RPS10: variants seen among roughly 807,000 people sequenced by gnomAD.
RPS10 encodes ribosomal protein S10.
Under a neutral mutation model 22.6 loss-of-function variants are expected in RPS10, and 2 were observed. The ratio of observed to expected loss-of-function variants is 0.09; its 90% CI spans 0.04 to 0.28. The LOEUF (loss-of-function observed/expected upper bound fraction) is 0.28. Ranked by LOEUF, RPS10 falls within the 10% of genes least tolerant of loss-of-function variation. The pLI is 1.00. For synonymous variants in RPS10, 70 were observed against 75.9 expected, an observed-to-expected ratio of 0.92 and a Z score of 0.40; for missense variants, 137 against 222.2, an observed-to-expected ratio of 0.62 and a Z score of 2.44.
At chr6:34,424,083 G>A (rs1298261891) in intron 3 of RPS10, among the ~76,000 whole-genome samples, 1 of 134,300 alleles carries the variant, frequency 7.4e-6, no homozygotes, top group African/African-American at 2.8e-5. Context: ...TAAAATACAG[G>A]CCAAGCACGG....
intron 4 of RPS10, among the ~76,000 whole-genome samples, chr6:34,419,104 C>T (rs1387061516): frequency 6.6e-6 from 1 of 152,098 alleles, no homozygotes; most frequent in African/African-American, 2.4e-5. Flanking sequence ...CTGCAACCTC[C>T]GCCTCCCAGG....
chr6:34,425,891 C>T (rs1264335633), intron 1 of RPS10, 141 bp downstream of exon 1: 1 of 154,042 alleles, frequency 6.5e-6, no homozygotes, highest in Non-Finnish European at 1.4e-5. Flanking sequence ...AATAAGCCTC[C>T]AGCCCCTATC....
Position 34,425,090 on chromosome 6 carries a change from A to G in RPS10, c.132T>C (p.His44=). ...ELADKNVPNL[H]VMKAMQSLKS... ...CTCCTACCTGCATGGCCTTCATGACATGAAGGTTGGGCACATTCTTGTCTG... is the reference window on the plus strand; with the variant it reads ...CTCCTACCTGCATGGCCTTCATGACGTGAAGGTTGGGCACATTCTTGTCTG... Residue 44 remains histidine, a synonymous_variant, in exon 2 of 6, where the codon CAT becomes CAC. Coordinates refer to ENST00000648437, the MANE Select transcript of RPS10 (RefSeq NM_001014.5). 6.2e-7 allele frequency: 1 copy of G among 1,612,590 alleles called. No homozygotes were observed. The highest frequency in any genetic ancestry group is 8.5e-7 in the Non-Finnish European group (1 of 1,179,946).
chr6:34,419,004 A>C (rs1424792632), intron 4 of RPS10, among the ~76,000 whole-genome samples: 1 of 152,042 alleles, frequency 6.6e-6, no homozygotes. Context: ...GTGGGACTAC[A>C]GGCAGCTAAT....
At chr6:34,424,105 C>T (rs72891159) in intron 3 of RPS10, among the ~76,000 whole-genome samples, 1,423 of 136,014 alleles carry the variant, frequency 0.01, 10 homozygotes, top group Non-Finnish European at 0.016. Flanking sequence ...GGCTTACCAC[C>T]GCACTCCAGG....
At chr6:34,420,082 T>G (rs1765710844) in intron 4 of RPS10, among the ~76,000 whole-genome samples, 1 of 152,166 alleles carries the variant, frequency 6.6e-6, no homozygotes, top group African/African-American at 2.4e-5. Flanking sequence ...TAAAAGACAT[T>G]AGTACTCAAA....
chr6:34,424,513 T>C lies in RPS10; in HGVS notation c.322+156A>G, dbSNP rs1236621400. On this transcript the variant is annotated intron_variant, in intron 3 of 5. Transcript: ENST00000648437. ...GCCTGAAGAACTGAGTCTAGTTCTA[T>C]TCCAAGTCCCAAGCCATGGGACAAA... is the stretch of plus-strand genomic sequence containing the variant. 5.1e-6 allele frequency: 5 copies of C among 976,056 alleles called. No individual in the cohort carries two copies. In the East Asian group the frequency reaches 1.3e-4, roughly 26 times the overall value. 60.5% of individuals were successfully genotyped at this position (976,056 alleles called of 1,614,324 possible). A position where few individuals can be genotyped will look rare whatever the true frequency, so the allele number is the denominator to read the frequency against.
chr6:34,418,072 T>G, intron 5 of RPS10: 1 of 989,428 alleles, frequency 1.0e-6, no homozygotes, highest in East Asian at 2.6e-5. Flanking sequence ...TCATACCATC[T>G]TGGTTCTTAA....
intron 3 of RPS10, among the ~76,000 whole-genome samples, chr6:34,422,301 G>C (rs1299520982): frequency 2.6e-5 from 4 of 152,110 alleles, no homozygotes; most frequent in African/African-American, 9.7e-5. Context: ...TATATATTAA[G>C]GCAGAAACTT....
chr6:34,424,967 C>T, intron 2 of RPS10, 105 bp downstream of exon 2: 2 of 1,609,752 alleles, frequency 1.2e-6, no homozygotes, highest in South Asian at 2.2e-5. Context: ...CCTTTTTGAA[C>T]TTGCCTTGAA....
chr6:34,423,841 T>C (rs1205622205), intron 3 of RPS10, among the ~76,000 whole-genome samples: 4 of 152,144 alleles, frequency 2.6e-5, no homozygotes, highest in Non-Finnish European at 5.9e-5. Flanking sequence ...ATCGCACCAC[T>C]GCACTCCAGC....
intron 5 of RPS10, chr6:34,418,000 AC>A: frequency 1.4e-6 from 1 of 696,776 alleles, no homozygotes; most frequent in Non-Finnish European, 2.6e-6. Context: ...AGATGGAGAA[AC>A]TGAGGCAGAG....
intron 4 of RPS10, among the ~76,000 whole-genome samples, chr6:34,421,151 C>G (rs1435199531): frequency 7.0e-6 from 1 of 142,136 alleles, no homozygotes; most frequent in African/African-American, 2.6e-5. Flanking sequence ...GGAGTGACAA[C>G]TTTAACAATT....
intron 4 of RPS10, 22 bp downstream of exon 4, chr6:34,421,708 T>TA: frequency 6.2e-7 from 1 of 1,613,082 alleles, no homozygotes; most frequent in Non-Finnish European, 8.5e-7. Context: ...ACACCCCTAA[T>TA]ATAGGTGATG....
At chr6:34,420,739 G>C (rs1010457820) in intron 4 of RPS10, among the ~76,000 whole-genome samples, 10 of 151,938 alleles carry the variant, frequency 6.6e-5, no homozygotes, top group Non-Finnish European at 7.4e-5. Flanking sequence ...GGGCGCGGTG[G>C]CTCACATCTG....
intron 1 of RPS10, 28 bp downstream of exon 1, chr6:34,426,004 A>C (rs1410151006): frequency 6.6e-6 from 1 of 152,614 alleles, no homozygotes; most frequent in Non-Finnish European, 1.5e-5. Flanking sequence ...ATGGGAGCCG[A>C]TGGAACTCGA....
intron 1 of RPS10, chr6:34,425,528 G>T: frequency 2.7e-6 from 1 of 371,940 alleles, no homozygotes; most frequent in East Asian, 6.6e-5. Context: ...TGTATTATCG[G>T]GAGCAGTTGG....
Position 34,425,141 on chromosome 6 carries a change from G to A in RPS10, c.81C>T (p.Val27=). The A allele has an allele frequency of 6.2e-7, 1 of 1,613,564 alleles. No individual in the cohort carries two copies. The change falls in exon 2 of 6, where the codon GTC becomes GTT. Residue 27 remains valine (V), a synonymous_variant. Transcript: ENST00000648437. ...KEGVMVAKKD[V]HMPKHPELAD... ...CCAGCTCCGGGTGCTTAGGCATGTG[G>A]ACATCCTTCTTGGCCACCATGACTC...
intron 1 of RPS10, chr6:34,425,785 G>A: frequency 6.1e-6 from 1 of 164,054 alleles, no homozygotes; most frequent in Admixed American, 5.7e-5. Context: ...ACACCGTCTC[G>A]CTAGTCTCAC....
Sources: gnomAD v4.1 joint callset for allele counts (sites outside exome capture counted in the v4.1 genomes callset) on GRCh38, gnomAD v4.1.1 for gene constraint, MANE v1.5 for transcripts, NCBI Gene and HGNC (gene_info 2026-07-23, HGNC 2026-07-21) for gene names.